TMEM35B: variants seen among roughly 807,000 people sequenced by gnomAD.
TMEM35B encodes ZMYM6 neighbor protein.
Under a neutral mutation model 8.7 loss-of-function variants are expected in TMEM35B, and 6 were observed. That is an observed-to-expected ratio of 0.69 (90% CI 0.38 to 1.36). TMEM35B has a LOEUF of 1.36. Among genes scored for constraint, TMEM35B ranks in the 40% most tolerant of loss-of-function variants. The pLI, the probability that TMEM35B is intolerant of heterozygous loss-of-function variation, is 0.02. For synonymous variants in TMEM35B, 89 were observed against 87.0 expected, an observed-to-expected ratio of 1.02 and a Z score of -0.13; for missense variants, 176 against 181.6, an observed-to-expected ratio of 0.97 and a Z score of 0.18.
exon 1 of TMEM35B, chr1:34,985,291 A>G (rs965571451): frequency 3.1e-5 from 47 of 1,535,640 alleles, no homozygotes; most frequent in Non-Finnish European, 3.7e-5. Flanking sequence ...GCAGCACCGA[A>G]AGCAGGAGCG....
exon 3 of TMEM35B, chr1:34,981,535 C>T (rs975275058): frequency 6.6e-6 from 1 of 152,202 alleles, no homozygotes; most frequent in African/African-American, 2.4e-5. Flanking sequence ...AGACATGAAA[C>T]AGTGTTATAG....
chr1:34,981,835 T>C (rs1455301310), exon 3 of TMEM35B: 1 of 1,191,908 alleles, frequency 8.4e-7, no homozygotes, highest in East Asian at 2.8e-5. Context: ...AAAATGTCTC[T>C]TTCAACACTG....
exon 1 of TMEM35B, chr1:34,985,299 G>C (rs1274939702): frequency 2.6e-6 from 4 of 1,531,578 alleles, no homozygotes; most frequent in Non-Finnish European, 3.5e-6. Flanking sequence ...GAAAGCAGGA[G>C]CGCCATGGCC....
exon 1 of TMEM35B, chr1:34,985,343 A>C (rs1441976100): frequency 6.7e-7 from 1 of 1,484,270 alleles, no homozygotes; most frequent in Non-Finnish European, 9.1e-7. Flanking sequence ...CCCCGCCGAA[A>C]ACCCGCCCCT....
At position 34,985,311 on chromosome 1, in the gene TMEM35B, C is replaced by T. The variant is rs1488373969; in HGVS notation, c.-6G>A. 3 of 1,529,280 alleles carry T rather than the reference C, an allele frequency of 2.0e-6. No homozygotes were observed. In the African/African-American group the frequency reaches 4.2e-5, roughly 21 times the overall value. 94.7% of individuals were successfully genotyped at this position (1,529,280 alleles called of 1,614,324 possible). A position where few individuals can be genotyped will look rare whatever the true frequency, so the allele number is the denominator to read the frequency against. Reference sequence around the variant, plus strand: ...ACCGAAAGCAGGAGCGCCATGGCCGCGCTCCCCCCACCGTGGGTTGGCCCC... The same window carrying T: ...ACCGAAAGCAGGAGCGCCATGGCCGTGCTCCCCCCACCGTGGGTTGGCCCC... On this transcript the variant is annotated 5_prime_UTR_variant, in exon 1 of 3. Transcript: ENST00000373337.
At chr1:34,984,029 T>A in intron 1 of TMEM35B, 82 bp from the exon 2 acceptor site, 7 of 1,271,722 alleles carry the variant, frequency 5.5e-6, no homozygotes, top group Non-Finnish European at 7.2e-6. Context: ...TATCTATGCC[T>A]GTGCCCTCAA....
At chr1:34,984,032 G>A (rs981570555) in intron 1 of TMEM35B, 85 bp from the exon 2 acceptor site, 1 of 1,269,880 alleles carries the variant, frequency 7.9e-7, no homozygotes, top group African/African-American at 1.5e-5. Context: ...CTATGCCTGT[G>A]CCCTCAACTT....
Position 34,985,181 on chromosome 1 carries a change from C to T in TMEM35B, c.108+17G>A. 13 of 1,526,856 alleles carry T rather than the reference C, an allele frequency of 8.5e-6. No individual in the cohort carries two copies. Among genetic ancestry groups the T allele is most frequent in the Non-Finnish European group, 1.1e-5 (12 of 1,137,874 alleles). 94.6% of individuals were successfully genotyped at this position (1,526,856 alleles called of 1,614,324 possible). On this transcript the variant is annotated intron_variant, in intron 1 of 2. Coordinates refer to ENST00000373337, the Ensembl canonical transcript of TMEM35B. Reference sequence around the variant, plus strand: ...CGCCGCGGGCCCGATCCCCTGCCGCCCGCCCGCGCCGCTCACCATCCGCTC... The same window carrying T: ...CGCCGCGGGCCCGATCCCCTGCCGCTCGCCCGCGCCGCTCACCATCCGCTC...
At chr1:34,983,578 CAAAA>C (rs1163962621) in intron 2 of TMEM35B, among the ~76,000 whole-genome samples, 185 bp downstream of exon 2, 21 of 23,220 alleles carry the variant, frequency 9.0e-4, no homozygotes, top group African/African-American at 2.5e-3. Flanking sequence ...GACTCCATCT[CAAAA>C]AAAAAAAAAA....
chr1:34,983,246 T>C (rs1036514425), intron 2 of TMEM35B, among the ~76,000 whole-genome samples: 4 of 152,180 alleles, frequency 2.6e-5, no homozygotes, highest in Non-Finnish European at 5.9e-5. Flanking sequence ...GAAGGTACAC[T>C]TAACATGTGA....
chr1:34,981,632 G>GA (rs1245437562), exon 3 of TMEM35B: 1 of 163,544 alleles, frequency 6.1e-6, no homozygotes, highest in Admixed American at 6.2e-5. Context: ...TAAAGGCACA[G>GA]AAAAAAGTTC....
At chr1:34,984,213 C>G (rs760158657) in intron 1 of TMEM35B, among the ~76,000 whole-genome samples, 24 of 152,228 alleles carry the variant, frequency 1.6e-4, no homozygotes, top group Non-Finnish European at 2.6e-4. Flanking sequence ...CAACCCAGCC[C>G]CAAATCCCAG....
chr1:34,982,457 CTT>C (rs540924637), intron 2 of TMEM35B, among the ~76,000 whole-genome samples: 6,842 of 129,562 alleles, frequency 0.053, 433 homozygotes, highest in African/African-American at 0.18. Flanking sequence ...TTCTCCTTTC[CTT>C]TTTTTTTTTT....
Position 34,983,748 on chromosome 1 carries a change from G to A in TMEM35B, c.289+19C>T, listed in dbSNP as rs1198261906. On this transcript the variant is annotated intron_variant, in intron 2 of 2. Coordinates refer to ENST00000373337, the Ensembl canonical transcript of TMEM35B. ...TCCCCCAGAAGACCCCATTTTCTCAGGCCAGTTGGCCCCCTTACCCATCAT... is the reference window on the plus strand; with the variant it reads ...TCCCCCAGAAGACCCCATTTTCTCAAGCCAGTTGGCCCCCTTACCCATCAT... 6.8e-7 allele frequency: 1 copy of A among 1,478,562 alleles called. No homozygotes were observed. Among genetic ancestry groups the A allele is most frequent in the African/African-American group, 1.4e-5 (1 of 70,982 alleles). The allele number at this position is 1,478,562 out of a possible 1,614,324, so 91.6% of individuals were successfully genotyped here. A position where few individuals can be genotyped will look rare whatever the true frequency, so the allele number is the denominator to read the frequency against.
exon 3 of TMEM35B, chr1:34,982,050 C>T (rs1640512165): frequency 6.5e-7 from 1 of 1,549,816 alleles, no homozygotes; most frequent in Admixed American, 2.0e-5. Flanking sequence ...CAGCAGGAAC[C>T]CCAGGCAGAC....
intron 1 of TMEM35B, among the ~76,000 whole-genome samples, chr1:34,984,959 GCCA>G (rs1020621457): frequency 7.2e-5 from 11 of 152,082 alleles, no homozygotes; most frequent in African/African-American, 2.4e-4. Flanking sequence ...TTTGCCTGGG[GCCA>G]CCAATATTCT....
At chr1:34,983,896 A>G (rs1331220681) in exon 2 of TMEM35B, 1 of 1,542,426 alleles carries the variant, frequency 6.5e-7, no homozygotes, top group Non-Finnish European at 8.8e-7. Flanking sequence ...TCTGGCTGGT[A>G]GCCAAATACC....
At chr1:34,985,148 G>T in intron 1 of TMEM35B, 50 bp downstream of exon 1, 1 of 1,436,824 alleles carries the variant, frequency 7.0e-7, no homozygotes, top group Non-Finnish European at 9.3e-7. Context: ...GCAGGGCGGA[G>T]CACACGCCGC....
At chr1:34,981,439 A>G (rs1036356360), downstream of TMEM35B, 1 of 152,228 alleles carries the variant, frequency 6.6e-6, no homozygotes, top group Non-Finnish European at 1.5e-5. Context: ...AGAATAACCC[A>G]AATGTTCCTC....
Sources: gnomAD v4.1 joint callset for allele counts (sites outside exome capture counted in the v4.1 genomes callset) on GRCh38, gnomAD v4.1.1 for gene constraint, MANE v1.5 for transcripts, NCBI Gene and HGNC (gene_info 2026-07-23, HGNC 2026-07-21) for gene names.